Variants in TAOK1 observed in about 807,000 individuals in gnomAD.
TAOK1 encodes TAO kinase 1, also known as serine/threonine-protein kinase TAO1.
TAOK1 carries 21 observed loss-of-function variants against 138.3 expected under a neutral mutation model. That is an observed-to-expected ratio of 0.15 (90% CI 0.11 to 0.22). TAOK1 has a LOEUF of 0.22. Ranked by LOEUF, TAOK1 falls within the 10% of genes least tolerant of loss-of-function variation. The probability of loss-of-function intolerance (pLI) is 1.00; values close to 1 mark genes in which losing one functional copy is unlikely to be tolerated. For synonymous variants in TAOK1, 361 were observed against 398.4 expected, an observed-to-expected ratio of 0.91 and a Z score of 1.12; for missense variants, 651 against 1,227.7, an observed-to-expected ratio of 0.53 and a Z score of 7.02.
chr17:29,482,737 T>TAC (rs1285317213), intron 8 of TAOK1, among the ~76,000 whole-genome samples: 2 of 151,608 alleles, frequency 1.3e-5, no homozygotes, highest in Non-Finnish European at 2.9e-5. Flanking sequence ...TATATATATA[T>TAC]ACATATTTTT....
At chr17:29,521,002 G>T (rs1408610236) in intron 16 of TAOK1, among the ~76,000 whole-genome samples, 1 of 151,684 alleles carries the variant, frequency 6.6e-6, no homozygotes, top group Non-Finnish European at 1.5e-5. Flanking sequence ...TCCAAGCCTG[G>T]TCGACAGAGT....
chr17:29,435,133 TG>T (rs57516771), intron 1 of TAOK1, among the ~76,000 whole-genome samples: 36,689 of 151,860 alleles, frequency 0.24, 5,019 homozygotes, highest in East Asian at 0.65. Flanking sequence ...GAAGGATAAT[TG>T]CTCAGAACTA....
intron 7 of TAOK1, among the ~76,000 whole-genome samples, chr17:29,480,871 C>A (rs79429947): frequency 2.3e-3 from 224 of 96,714 alleles, no homozygotes; most frequent in East Asian, 5.4e-3. Flanking sequence ...CCCTGTCTCT[C>A]AAAAAAAAAA....
chr17:29,508,210 T>A, intron 14 of TAOK1, 78 bp downstream of exon 14: 1 of 1,257,474 alleles, frequency 8.0e-7, no homozygotes, highest in South Asian at 1.2e-5. Flanking sequence ...CAGTTTGATG[T>A]TAGCGTATCT....
At chr17:29,538,271 A>G (rs1465281630) in intron 19 of TAOK1, among the ~76,000 whole-genome samples, 1 of 152,174 alleles carries the variant, frequency 6.6e-6, no homozygotes, top group Non-Finnish European at 1.5e-5. Flanking sequence ...TAATGTTAGT[A>G]GTGGCTATGT....
intron 1 of TAOK1, among the ~76,000 whole-genome samples, chr17:29,407,744 A>G (rs1278390829): frequency 6.6e-6 from 1 of 152,030 alleles, no homozygotes; most frequent in Non-Finnish European, 1.5e-5. Flanking sequence ...ACAATGCCCA[A>G]CTGAGGTATC....
intron 1 of TAOK1, among the ~76,000 whole-genome samples, chr17:29,398,412 G>C (rs559568057): frequency 2.0e-5 from 3 of 151,884 alleles, no homozygotes; most frequent in African/African-American, 7.2e-5. Context: ...TCTCCATGTT[G>C]GTCAGGCTGG....
chr17:29,468,553 CTT>C (rs34030976), intron 3 of TAOK1, among the ~76,000 whole-genome samples: 1 of 145,884 alleles, frequency 6.9e-6, no homozygotes. Context: ...TGGATATGAT[CTT>C]TTTTTTTTTT....
At chr17:29,506,097 G>C (rs184263102) in intron 13 of TAOK1, among the ~76,000 whole-genome samples, 1 of 152,278 alleles carries the variant, frequency 6.6e-6, no homozygotes, top group South Asian at 2.1e-4. Flanking sequence ...ATATGATCCA[G>C]TAATTCCACT....
chr17:29,516,119 G>A (rs1328011301), intron 15 of TAOK1, among the ~76,000 whole-genome samples: 4 of 148,634 alleles, frequency 2.7e-5, no homozygotes, highest in Non-Finnish European at 6.0e-5. Flanking sequence ...GCACCACCAT[G>A]CCTGGCTAAT....
At chr17:29,469,207 A>AT (rs756118296) in intron 3 of TAOK1, among the ~76,000 whole-genome samples, 104 of 151,396 alleles carry the variant, frequency 6.9e-4, no homozygotes, top group African/African-American at 1.5e-3. Flanking sequence ...ACATAGTGAG[A>AT]TCCCCCCTCC....
intron 3 of TAOK1, 35 bp from the exon 4 acceptor site, chr17:29,475,635 C>T (rs1201462369): frequency 1.5e-6 from 2 of 1,368,830 alleles, no homozygotes; most frequent in Non-Finnish European, 2.1e-6. Context: ...AGGAAAAGTC[C>T]TGTTCATAAT....
intron 1 of TAOK1, among the ~76,000 whole-genome samples, chr17:29,417,139 T>C (rs1007956577): frequency 2.0e-5 from 3 of 152,172 alleles, no homozygotes; most frequent in Admixed American, 2.0e-4. Context: ...CTCAGCCTCC[T>C]GAGTAGCTGG....
At chr17:29,499,721 A>G (rs1396010474) in intron 12 of TAOK1, among the ~76,000 whole-genome samples, 1 of 150,950 alleles carries the variant, frequency 6.6e-6, no homozygotes, top group East Asian at 2.0e-4. Flanking sequence ...CACTATGCCC[A>G]GCTAATTTTT....
chr17:29,468,392 C>A (rs989906542), intron 3 of TAOK1, among the ~76,000 whole-genome samples: 2 of 151,900 alleles, frequency 1.3e-5, no homozygotes, highest in African/African-American at 4.8e-5. Flanking sequence ...CTGCCTCGGC[C>A]TCCCAAAGTG....
At chr17:29,428,709 T>C (rs985781670) in intron 1 of TAOK1, among the ~76,000 whole-genome samples, 1 of 152,062 alleles carries the variant, frequency 6.6e-6, no homozygotes, top group Non-Finnish European at 1.5e-5. Flanking sequence ...CTGCAGCCTC[T>C]ACCTCCTGAG....
chr17:29,500,777 A>C (rs1380788744), intron 12 of TAOK1, among the ~76,000 whole-genome samples: 2 of 152,112 alleles, frequency 1.3e-5, no homozygotes, highest in South Asian at 2.1e-4. Context: ...CATCCAGTAG[A>C]ATATTACTCA....
Position 29,495,544 on chromosome 17 carries a change from C to A in TAOK1, c.832-16C>A. 6.5e-7 allele frequency: 1 copy of A among 1,544,148 alleles called. No individual in the cohort carries two copies. ...ATTGAAAAAAAAATCAACCTTTTAC[C>A]TTCTACCCTATCTAGCACATATTTG... On this transcript the variant is annotated splice_polypyrimidine_tract_variant and intron_variant, in intron 10 of 19. Coordinates refer to ENST00000261716, the MANE Select transcript of TAOK1 (RefSeq NM_020791.4).
Position 29,544,724 on chromosome 17 carries a change from CAG to C in TAOK1, c.*1705_*1706del, listed in dbSNP as rs1234930703. On this transcript the variant is annotated 3_prime_UTR_variant, in exon 20 of 20. Coordinates refer to ENST00000261716, the MANE Select transcript of TAOK1 (RefSeq NM_020791.4). ...AAAAATATCCTTTTCAGTGACAAAT[CAG>C]AGTTTCTTACAAGTTATTGTCCTGC... is the stretch of plus-strand genomic sequence containing the variant. The C allele has an allele frequency of 2.0e-5, 3 of 152,246 alleles. 1 individual carries two copies. The Middle Eastern group carries it at 0.01, about 518-fold the overall frequency. The allele number at this position is 152,246 out of a possible 1,614,324, so 9.4% of individuals were successfully genotyped here. A position where few individuals can be genotyped will look rare whatever the true frequency, so the allele number is the denominator to read the frequency against.
Sources: allele counts gnomAD v4.1 joint callset (sites outside exome capture counted in the v4.1 genomes callset), GRCh38; gene constraint gnomAD v4.1.1; transcripts MANE v1.5; gene names NCBI Gene and HGNC (gene_info 2026-07-23, HGNC 2026-07-21).